BTBD7: variants seen among roughly 807,000 people sequenced by gnomAD.
BTBD7 encodes the protein BTB/POZ domain-containing protein 7.
BTBD7 carries 38 observed loss-of-function variants against 99.9 expected under a neutral mutation model. The ratio of observed to expected loss-of-function variants is 0.38; its 90% confidence interval spans 0.29 to 0.50. The LOEUF (loss-of-function observed/expected upper bound fraction) is 0.50. Among genes scored for constraint, BTBD7 ranks in the 20% least tolerant of loss-of-function variants. BTBD7 has a pLI of 0.93. For missense variants in BTBD7, 1,170 were observed against 1,394.6 expected, an observed-to-expected ratio of 0.84 and a Z score of 2.57; for synonymous variants, 520 against 511.4, an observed-to-expected ratio of 1.02 and a Z score of -0.23.
intron 1 of BTBD7, among the ~76,000 whole-genome samples, chr14:93,324,640 C>T (rs1777729618): frequency 6.6e-6 from 1 of 152,116 alleles, no homozygotes; most frequent in Admixed American, 6.5e-5. Flanking sequence ...AGACAGCTGT[C>T]GGTAGCAATA....
intron 3 of BTBD7, among the ~76,000 whole-genome samples, chr14:93,268,756 CTTTTTTTTT>C (rs61483726): frequency 8.3e-6 from 1 of 120,910 alleles, no homozygotes; most frequent in South Asian, 2.7e-4. Flanking sequence ...TAACTTAGAC[CTTTTTTTTT>C]TTTTTTTTTT....
rs1052304380 is a variant in BTBD7 at position 93,252,688 on chromosome 14, C to G, written c.1752+959G>C. On this transcript the variant is annotated intron_variant, in intron 7 of 10. Coordinates refer to ENST00000334746, the MANE Select transcript of BTBD7 (RefSeq NM_001002860.4). ...CCATGCCTGGTTTAAAAATGAGAAA[C>G]ATTTTGAGGCAACTTGATTGTATAC... Among the ~76,000 whole-genome samples the G allele has an allele frequency of 3.3e-5, 5 of 152,032 alleles. No individual in the cohort carries two copies. The East Asian group carries it at 7.7e-4, about 23-fold the overall frequency.
At chr14:93,321,651 G>C (rs1304197028) in intron 1 of BTBD7, among the ~76,000 whole-genome samples, 1 of 152,128 alleles carries the variant, frequency 6.6e-6, no homozygotes, top group Non-Finnish European at 1.5e-5. Context: ...TGTTGAACAG[G>C]CAATTACAAT....
chr14:93,304,215 T>C (rs1340539477), intron 1 of BTBD7, among the ~76,000 whole-genome samples: 1 of 152,180 alleles, frequency 6.6e-6, no homozygotes, highest in East Asian at 1.9e-4. Context: ...CGGCACACAA[T>C]ATTTTATTGA....
chr14:93,302,905 C>T (rs1285314664), intron 1 of BTBD7, among the ~76,000 whole-genome samples: 1 of 150,478 alleles, frequency 6.6e-6, no homozygotes, highest in Non-Finnish European at 1.5e-5. Context: ...CCCAGCTATT[C>T]AGGAGGCTGA....
intron 3 of BTBD7, among the ~76,000 whole-genome samples, chr14:93,275,499 A>G (rs1235884796): frequency 1.3e-5 from 2 of 152,242 alleles, no homozygotes; most frequent in African/African-American, 4.8e-5. Context: ...TTGGGTAAAG[A>G]GGCATAACAG....
intron 5 of BTBD7, 124 bp from the exon 6 acceptor site, chr14:93,257,479 G>T: frequency 5.0e-6 from 4 of 797,232 alleles, no homozygotes; most frequent in South Asian, 6.0e-5. Flanking sequence ...GCTTTAAAAA[G>T]GGTTATAAAT....
At chr14:93,247,441 A>G (rs2052325693) in intron 9 of BTBD7, among the ~76,000 whole-genome samples, 1 of 152,128 alleles carries the variant, frequency 6.6e-6, no homozygotes, top group Non-Finnish European at 1.5e-5. Context: ...TCGGCCTCCC[A>G]GGTTCAAGCG....
At chr14:93,259,647 C>T (rs200991501) in intron 5 of BTBD7, among the ~76,000 whole-genome samples, 1 of 152,178 alleles carries the variant, frequency 6.6e-6, no homozygotes, top group East Asian at 1.9e-4. Context: ...ATTTAAAAAA[C>T]TTTCTAAATC....
chr14:93,313,244 T>A (rs1296858356), intron 1 of BTBD7, among the ~76,000 whole-genome samples: 1 of 152,224 alleles, frequency 6.6e-6, no homozygotes, highest in Non-Finnish European at 1.5e-5. Context: ...GGACCTGTAG[T>A]TAAAAATAGT....
chr14:93,246,266 A>G lies in BTBD7; in HGVS notation c.2142T>C (p.Pro714=), dbSNP rs751807023. 2.6e-5 allele frequency: 39 copies of G among 1,507,496 alleles called. No individual in the cohort carries two copies. Among genetic ancestry groups the G allele is most frequent in the Middle Eastern group, 1.8e-4 (1 of 5,574 alleles). The allele number at this position is 1,507,496 out of a possible 1,614,324, so 93.4% of individuals were successfully genotyped here. The change falls in exon 10 of 11, where the codon CCT becomes CCC. Residue 714 remains proline (P), a synonymous_variant. Transcript: ENST00000334746. ...ELLQNPHKFF[P]DERFGDESPL... is the part of the protein sequence containing the mutation. ...GACTTTCATCCCCAAAACGTTCATC[A>G]GGAAAGAATTTGTGAGGATTCTAAA...
chr14:93,310,881 T>G (rs1001732025), intron 1 of BTBD7, among the ~76,000 whole-genome samples: 1 of 149,936 alleles, frequency 6.7e-6, no homozygotes, highest in African/African-American at 2.5e-5. Context: ...ATATTAACAG[T>G]TATCAATGAT....
At chr14:93,257,484 A>G in intron 5 of BTBD7, 129 bp from the exon 6 acceptor site, 1 of 753,038 alleles carries the variant, frequency 1.3e-6, no homozygotes, top group Non-Finnish European at 2.0e-6. Context: ...AAAAAGGGTT[A>G]TAAATCAATT....
chr14:93,263,828 C>T lies in BTBD7; in HGVS notation c.1328G>A (p.Ser443Asn). 1 of 1,614,142 alleles carries T rather than the reference C, an allele frequency of 6.2e-7. No individual in the cohort carries two copies. The highest frequency in any genetic ancestry group is 1.1e-5 in the South Asian group (1 of 91,082). Residue 443 changes from serine to asparagine, a missense_variant, in exon 4 of 11, where the codon AGC becomes AAC. By Grantham distance (46) the Ser-to-Asn change is conservative. This residue lies in a region of BTBD7 where 309 missense variants were observed against 342.0 expected (regional missense o/e 0.90). Coordinates refer to ENST00000334746, the MANE Select transcript of BTBD7 (RefSeq NM_001002860.4). ...GATAGCAGTAAGCAGATGGTCTTTG[C>T]TGAGTTCATAAAAAACATCCGAAGT... ...VMTSDVFYELSKDHLLTAIQS... is the reference protein window; with the variant it reads ...VMTSDVFYELNKDHLLTAIQS...
At chr14:93,300,778 A>ATT (rs1566857202) in intron 1 of BTBD7, among the ~76,000 whole-genome samples, 5 of 83,694 alleles carry the variant, frequency 6.0e-5, no homozygotes, top group Admixed American at 1.3e-4. Flanking sequence ...GTGTGTATAT[A>ATT]TATATATATT....
chr14:93,248,422 G>A, intron 9 of BTBD7, 54 bp downstream of exon 9: 1 of 1,571,954 alleles, frequency 6.4e-7, no homozygotes, highest in Non-Finnish European at 8.7e-7. Flanking sequence ...CCACAATACT[G>A]CCTGTCTGGT....
intron 1 of BTBD7, among the ~76,000 whole-genome samples, chr14:93,299,440 C>T (rs748539960): frequency 6.6e-6 from 1 of 152,188 alleles, no homozygotes; most frequent in African/African-American, 2.4e-5. Context: ...GACATCCAAT[C>T]TTTGTATGAT....
chr14:93,294,910 T>C lies in BTBD7; in HGVS notation c.110A>G (p.Tyr37Cys), dbSNP rs200455654. ...GCTATACAACTTTGATTCGCAACCA[T>C]AGCCTTGCTGAGAATAGGATGAGGT... ...IGTSSYSQQG[Y>C]GCESKLYSLD... Residue 37 changes from tyrosine (Y) to cysteine (C), a missense_variant, in exon 3 of 11, where the codon TAT (tyrosine) becomes TGT (cysteine). Physicochemically the swap from Tyr to Cys is radical, Grantham distance 194. Transcript: ENST00000334746. 1.6e-4 allele frequency: 262 copies of C among 1,598,268 alleles called. No individual in the cohort carries two copies. Among genetic ancestry groups the C allele is most frequent in the Middle Eastern group, 5.0e-4 (3 of 5,960 alleles).
Position 93,239,581 on chromosome 14 carries a change from T to C in BTBD7, c.*2692A>G, listed in dbSNP as rs2052198253. On this transcript the variant is annotated 3_prime_UTR_variant, in exon 11 of 11. Coordinates refer to ENST00000334746, the MANE Select transcript of BTBD7 (RefSeq NM_001002860.4). ...CTTGAACCTACCCTAGTAACCATAC[T>C]TCACAAGATACATTAAAAGTCCACT... The C allele has an allele frequency of 6.6e-6, 1 of 152,414 alleles. No individual in the cohort carries two copies. Among genetic ancestry groups the C allele is most frequent in the African/African-American group, 2.4e-5 (1 of 41,354 alleles). The allele number at this position is 152,414 out of a possible 1,614,324, so 9.4% of individuals were successfully genotyped here. A position where few individuals can be genotyped will look rare whatever the true frequency, so the allele number is the denominator to read the frequency against.
Sources: allele counts gnomAD v4.1 joint callset (sites outside exome capture counted in the v4.1 genomes callset), GRCh38; gene constraint gnomAD v4.1.1; regional missense constraint gnomAD v4.1.1; transcripts MANE v1.5; gene names NCBI Gene and HGNC (gene_info 2026-07-23, HGNC 2026-07-21).